The following PAM variants were observed in gnomAD, a reference collection of about 807,000 sequenced individuals.
The protein encoded by PAM is peptidyl-glycine alpha-amidating monooxygenase.
In PAM, 72 loss-of-function variants were observed where a neutral mutation model predicts 122.1. The ratio of observed to expected loss-of-function variants is 0.59; its 90% CI spans 0.49 to 0.72. PAM has a LOEUF of 0.72. Ranked by LOEUF, PAM falls within the 30% of genes least tolerant of loss-of-function variation. The probability of loss-of-function intolerance (pLI) is 0.00; values close to 1 mark genes in which losing one functional copy is unlikely to be tolerated. For synonymous variants in PAM, 389 were observed against 404.4 expected (o/e 0.96, Z 0.46); for missense variants, 1,106 against 1,183.7 (o/e 0.93, Z 0.96).
chr5:102,812,390 T>C (rs1768193163), intron 1 of PAM, among the ~76,000 whole-genome samples: 1 of 151,918 alleles, frequency 6.6e-6, no homozygotes, highest in African/African-American at 2.4e-5. Context: ...ATACAAGTGG[T>C]AAAGATGCAG....
intron 1 of PAM, among the ~76,000 whole-genome samples, chr5:102,824,902 A>G (rs1773127895): frequency 6.6e-6 from 1 of 152,238 alleles, no homozygotes; most frequent in Non-Finnish European, 1.5e-5. Context: ...AAAAACCTAT[A>G]TGTAGTTCCT....
intron 21 of PAM, among the ~76,000 whole-genome samples, chr5:103,015,285 T>TG (rs1240993570): frequency 1.3e-5 from 2 of 152,204 alleles, no homozygotes; most frequent in Non-Finnish European, 2.9e-5. Context: ...AAACTTACTA[T>TG]GTTGAAGCAA....
intron 3 of PAM, among the ~76,000 whole-genome samples, chr5:102,881,861 A>G (rs1035328867): frequency 4.0e-5 from 6 of 150,668 alleles, no homozygotes; most frequent in Admixed American, 6.6e-5. Flanking sequence ...TTTTCTCCCA[A>G]AGTCCATTGT....
At chr5:102,787,164 A>C (rs541757970) in intron 1 of PAM, among the ~76,000 whole-genome samples, 1 of 152,222 alleles carries the variant, frequency 6.6e-6, no homozygotes, top group African/African-American at 2.4e-5. Context: ...ATCCTCCTCA[A>C]AATAGTTTTA....
At chr5:103,023,348 A>T (rs1204275603) in intron 23 of PAM, among the ~76,000 whole-genome samples, 1 of 152,152 alleles carries the variant, frequency 6.6e-6, no homozygotes, top group Non-Finnish European at 1.5e-5. Context: ...TTCAAACAAG[A>T]ACAAATCCTT....
chr5:102,833,523 G>C (rs1038732184), intron 1 of PAM, among the ~76,000 whole-genome samples: 1 of 152,080 alleles, frequency 6.6e-6, no homozygotes, highest in Non-Finnish European at 1.5e-5. Flanking sequence ...CCATGTAAAG[G>C]ACAGCTCCAC....
At chr5:102,862,367 T>C (rs1245222311) in intron 1 of PAM, among the ~76,000 whole-genome samples, 1 of 152,122 alleles carries the variant, frequency 6.6e-6, no homozygotes, top group Admixed American at 6.5e-5. Flanking sequence ...TTACGAACAA[T>C]ACTAGTAAAC....
Position 102,866,135 on chromosome 5 carries a change from C to A in PAM, c.-61C>A. The A allele has an allele frequency of 8.2e-7, 1 of 1,219,846 alleles. No individual in the cohort carries two copies. The highest frequency in any genetic ancestry group is 1.8e-5 in the Admixed American group (1 of 55,758). 75.6% of individuals were successfully genotyped at this position (1,219,846 alleles called of 1,614,324 possible). On this transcript the variant is annotated 5_prime_UTR_variant, in exon 2 of 26. Transcript: ENST00000438793. ...GCTGGCGGCGCCGCTGCCCAACCGC[C>A]AGCCCCAGCCCCGCGCTGCGCTGCC...
intron 16 of PAM, among the ~76,000 whole-genome samples, chr5:103,001,971 T>A (rs1777520820): frequency 6.6e-6 from 1 of 152,096 alleles, no homozygotes; most frequent in African/African-American, 2.4e-5. Flanking sequence ...GAAATATTCA[T>A]AAGTCATTTA....
chr5:102,834,235 C>T (rs1776276947), intron 1 of PAM, among the ~76,000 whole-genome samples: 1 of 151,974 alleles, frequency 6.6e-6, no homozygotes, highest in African/African-American at 2.4e-5. Context: ...TAATCTTTCC[C>T]CCTTCTTTTT....
chr5:102,758,655 C>T (rs1580718281), intron 1 of PAM, among the ~76,000 whole-genome samples: 1 of 152,152 alleles, frequency 6.6e-6, no homozygotes. Flanking sequence ...GAGAATAAGG[C>T]CTTCATTTTA....
At chr5:102,758,073 G>GT (rs1168917285) in intron 1 of PAM, among the ~76,000 whole-genome samples, 427 of 24,818 alleles carry the variant, frequency 0.017, 66 homozygotes, top group Non-Finnish European at 0.032. Context: ...TTAGAATTTT[G>GT]TTTTTTTTTT....
At chr5:102,937,487 G>A (rs762512553) in intron 7 of PAM, among the ~76,000 whole-genome samples, 5 of 152,076 alleles carry the variant, frequency 3.3e-5, no homozygotes, top group East Asian at 1.9e-4. Flanking sequence ...AAGCACTGTC[G>A]AACAGGAAAG....
intron 1 of PAM, among the ~76,000 whole-genome samples, chr5:102,849,969 C>T (rs1219511813): frequency 6.6e-6 from 1 of 152,156 alleles, no homozygotes; most frequent in East Asian, 1.9e-4. Context: ...ATATTACTCT[C>T]ATTTTAAAAA....
intron 1 of PAM, among the ~76,000 whole-genome samples, chr5:102,772,526 G>A (rs2149779530): frequency 6.6e-6 from 1 of 152,160 alleles, no homozygotes; most frequent in East Asian, 1.9e-4. Context: ...TGCAATTCAA[G>A]AGATATGCAC....
intron 24 of PAM, 127 bp downstream of exon 24, chr5:103,025,461 AT>A: frequency 1.4e-6 from 1 of 703,414 alleles, no homozygotes; most frequent in Non-Finnish European, 2.5e-6. Flanking sequence ...GCTCTCTACC[AT>A]TTTTGACATT....
chr5:103,007,711 A>G, intron 20 of PAM, 54 bp downstream of exon 20: 1 of 1,137,080 alleles, frequency 8.8e-7, no homozygotes, highest in Non-Finnish European at 1.3e-6. Context: ...TCTATCCTTA[A>G]AAATTGTGTT....
intron 1 of PAM, among the ~76,000 whole-genome samples, chr5:102,823,710 T>C (rs959186807): frequency 6.6e-6 from 1 of 152,202 alleles, no homozygotes; most frequent in South Asian, 2.1e-4. Flanking sequence ...GAAACTGAAA[T>C]ATGACCCAGA....
intron 1 of PAM, among the ~76,000 whole-genome samples, chr5:102,837,148 T>C (rs1295296016): frequency 1.3e-5 from 2 of 152,220 alleles, no homozygotes; most frequent in Non-Finnish European, 2.9e-5. Context: ...CATTGCCTAA[T>C]ATGCCTCCCT....
Sources: gnomAD v4.1 joint callset for allele counts (sites outside exome capture counted in the v4.1 genomes callset) on GRCh38, gnomAD v4.1.1 for gene constraint, MANE v1.5 for transcripts, NCBI Gene and HGNC (gene_info 2026-07-23, HGNC 2026-07-21) for gene names.